The following NTM variants were observed in gnomAD, a reference collection of about 807,000 sequenced individuals.
NTM encodes the protein IgLON family member 2.
NTM carries 13 observed loss-of-function variants against 42.1 expected under a neutral mutation model. The observed-to-expected ratio is 0.31, with a 90% CI of 0.20 to 0.49. The LOEUF is 0.49. Among genes scored for constraint, NTM ranks in the 20% least tolerant of loss-of-function variants. NTM has a pLI of 0.99. For missense variants in NTM, 373 were observed against 452.8 expected (o/e 0.82, Z 1.60); for synonymous variants, 187 against 179.2 (o/e 1.04, Z -0.35).
chr11:131,671,009 C>T (rs2070111578), intron 1 of NTM, among the ~76,000 whole-genome samples: 1 of 152,188 alleles, frequency 6.6e-6, no homozygotes, highest in Admixed American at 6.5e-5. Context: ...AGGCTCCCCT[C>T]TTCCTCCTGC....
chr11:131,772,490 A>G (rs1055696712), intron 1 of NTM, among the ~76,000 whole-genome samples: 1 of 152,232 alleles, frequency 6.6e-6, no homozygotes, highest in African/African-American at 2.4e-5. Context: ...GCCTGGAAGC[A>G]GCCTATGGGA....
chr11:131,616,371 A>AAATGACCGCGGACGGAGGC (rs2061939132), intron 1 of NTM, among the ~76,000 whole-genome samples: 2 of 152,298 alleles, frequency 1.3e-5, no homozygotes, highest in South Asian at 4.2e-4. Flanking sequence ...GGAGAGTGGG[A>AAATGACCGCGGACGGAGGC]AATGACCGCG....
chr11:131,750,878 C>T (rs61901638), intron 1 of NTM, among the ~76,000 whole-genome samples: 12,809 of 152,146 alleles, frequency 0.084, 613 homozygotes, highest in East Asian at 0.15. Context: ...CCGGGGATGC[C>T]TGCTCTCTCT....
chr11:131,754,865 G>A (rs958249137), intron 1 of NTM, among the ~76,000 whole-genome samples: 3 of 152,134 alleles, frequency 2.0e-5, no homozygotes, highest in African/African-American at 4.8e-5. Flanking sequence ...AAAGGAATGC[G>A]CTATTGATAC....
chr11:131,491,158 C>T (rs374223449), intron 1 of NTM, among the ~76,000 whole-genome samples: 4 of 152,254 alleles, frequency 2.6e-5, no homozygotes, highest in East Asian at 3.9e-4. Flanking sequence ...ATTTCTATAA[C>T]GTTACCAATC....
chr11:131,870,025 G>A (rs946958309), intron 1 of NTM, among the ~76,000 whole-genome samples: 3 of 152,218 alleles, frequency 2.0e-5, no homozygotes, highest in Non-Finnish European at 4.4e-5. Flanking sequence ...AACAGACACA[G>A]GAAGTTTAAG....
At chr11:132,151,389 G>T (rs1218602719) in intron 3 of NTM, among the ~76,000 whole-genome samples, 1 of 152,166 alleles carries the variant, frequency 6.6e-6, no homozygotes, top group East Asian at 1.9e-4. Flanking sequence ...GTTAAGAAAG[G>T]TCCTCCTTAT....
At chr11:131,397,437 G>T (rs924439397) in intron 1 of NTM, among the ~76,000 whole-genome samples, 1 of 152,152 alleles carries the variant, frequency 6.6e-6, no homozygotes, top group Non-Finnish European at 1.5e-5. Flanking sequence ...CTAGTCCAAG[G>T]CTGATGTATT....
At chr11:132,056,688 C>T (rs966577161) in intron 2 of NTM, among the ~76,000 whole-genome samples, 17 of 152,212 alleles carry the variant, frequency 1.1e-4, no homozygotes, top group African/African-American at 4.8e-5. Flanking sequence ...TTGCTCTTCT[C>T]AACCCACCTT....
At chr11:131,436,258 T>G (rs962855629) in intron 1 of NTM, among the ~76,000 whole-genome samples, 7 of 152,294 alleles carry the variant, frequency 4.6e-5, no homozygotes, top group South Asian at 4.1e-4. Context: ...CTTTTTTTTG[T>G]TGCGTCTCTG....
chr11:132,332,970 T>C (rs1182784343), intron 8 of NTM, among the ~76,000 whole-genome samples: 2 of 151,636 alleles, frequency 1.3e-5, no homozygotes, highest in Non-Finnish European at 2.9e-5. Context: ...GAGGTGGGAG[T>C]GTGCGGGAAT....
chr11:131,457,340 C>T (rs1950982859), intron 1 of NTM, among the ~76,000 whole-genome samples: 1 of 152,018 alleles, frequency 6.6e-6, no homozygotes. Flanking sequence ...AAAGGAGGCC[C>T]CCTGCATGCA....
intron 1 of NTM, among the ~76,000 whole-genome samples, chr11:131,498,033 C>A (rs1955532086): frequency 6.6e-6 from 1 of 152,224 alleles, no homozygotes; most frequent in Non-Finnish European, 1.5e-5. Context: ...AATAAGACCT[C>A]CTTCCCCTCC....
At position 131,896,813 on chromosome 11, in the gene NTM, G is replaced by A. The variant is rs188055624; in HGVS notation, c.83-14751G>A. On this transcript the variant is annotated intron_variant, in intron 1 of 8. Transcript: ENST00000683400. Reference sequence around the variant, plus strand: ...ACGCCATTCTCCTGCCTCAGCCTCCGGAGTAGCTGGGACTACAGGCGCCCG... The same window carrying A: ...ACGCCATTCTCCTGCCTCAGCCTCCAGAGTAGCTGGGACTACAGGCGCCCG... 5.0e-3 allele frequency among the ~76,000 whole-genome samples: 753 copies of A among 150,472 alleles called. 4 individuals carry two copies. The highest frequency in any genetic ancestry group is 0.017 in the African/African-American group (711 of 41,004).
At chr11:132,024,897 G>A (rs1393131167) in intron 2 of NTM, among the ~76,000 whole-genome samples, 1 of 152,198 alleles carries the variant, frequency 6.6e-6, no homozygotes, top group East Asian at 1.9e-4. Context: ...AGGATTGTCA[G>A]GATGGACTAG....
chr11:131,491,903 C>T (rs1954836716), intron 1 of NTM, among the ~76,000 whole-genome samples: 1 of 152,196 alleles, frequency 6.6e-6, no homozygotes, highest in Non-Finnish European at 1.5e-5. Flanking sequence ...ACAATAATAA[C>T]ATAACTCATT....
At chr11:132,303,336 C>T (rs535373568) in intron 4 of NTM, among the ~76,000 whole-genome samples, 6 of 152,306 alleles carry the variant, frequency 3.9e-5, no homozygotes, top group Admixed American at 3.9e-4. Context: ...CCTCGCCTCT[C>T]CTGGCTTCTG....
chr11:131,439,673 T>A (rs1483976785), intron 1 of NTM, among the ~76,000 whole-genome samples: 1 of 152,156 alleles, frequency 6.6e-6, no homozygotes, highest in Non-Finnish European at 1.5e-5. Flanking sequence ...AAAAGTGCAG[T>A]ATTTGGGAGG....
chr11:131,373,652 A>AC (rs1941534048), intron 1 of NTM, among the ~76,000 whole-genome samples: 1 of 151,774 alleles, frequency 6.6e-6, no homozygotes, highest in Admixed American at 6.6e-5. Flanking sequence ...CAGAACACCC[A>AC]CCGCCCACCT....
Sources: allele counts gnomAD v4.1 joint callset (sites outside exome capture counted in the v4.1 genomes callset), GRCh38; gene constraint gnomAD v4.1.1; transcripts MANE v1.5; gene names NCBI Gene and HGNC (gene_info 2026-07-23, HGNC 2026-07-21).